The following COL2A1 variants were observed in gnomAD, a reference collection of about 807,000 sequenced individuals.
COL2A1 encodes collagen alpha-1(II) chain.
A neutral mutation model predicts 204.5 loss-of-function variants in COL2A1; 28 were observed. That is an observed-to-expected ratio of 0.14 (90% confidence interval 0.10 to 0.19). COL2A1 has a LOEUF of 0.19. COL2A1 is among the 10% of genes least tolerant of loss of function. COL2A1 has a pLI of 1.00. For missense variants in COL2A1, 1,388 were observed against 2,027.5 expected (o/e 0.68, Z 6.06); for synonymous variants, 708 against 718.7 (o/e 0.99, Z 0.24).
intron 52 of COL2A1, 89 bp from the exon 53 acceptor site, chr12:47,974,420 C>A: frequency 6.5e-7 from 1 of 1,537,686 alleles, no homozygotes; most frequent in South Asian, 1.2e-5. Context: ...GTTCATGGTT[C>A]AAGGACCTCA....
chr12:47,997,660 T>C lies in COL2A1; in HGVS notation c.477A>G (p.Gly159=), dbSNP rs1940025065. ...RGRDGEPGTP[G]NPGPPGPPGP... ...CGGGAGGACCAGGGGGGCCAGGATT[T>C]CCAGGGGTCCCAGGTTCTCCATCTC... The change falls in exon 7 of 54, where the codon GGA becomes GGG. Residue 159 remains glycine, a synonymous_variant. Transcript: ENST00000380518. 1 of 1,613,788 alleles carries C rather than the reference T, an allele frequency of 6.2e-7. No individual in the cohort carries two copies. The highest frequency in any genetic ancestry group is 8.5e-7 in the Non-Finnish European group (1 of 1,179,920).
At position 47,987,611 on chromosome 12, in the gene COL2A1, G is replaced by T; in HGVS notation, c.1221C>A (p.Ser407=). 1 of 1,611,228 alleles carries T rather than the reference G, an allele frequency of 6.2e-7. No individual in the cohort carries two copies. ...TPGSPGPAGA[S]GNPGTDGIPG... is the part of the protein sequence containing the mutation. ...CAGGCCAAAGAGAAGCTGCACTTAC[G>T]GAGGCACCAGCAGGCCCAGGGGACC... is the stretch of plus-strand genomic sequence containing the variant. Residue 407 remains serine, a splice_region_variant and synonymous_variant, in exon 19 of 54, where the codon TCC becomes TCA. Transcript: ENST00000380518. This position sits in a 1 kb window ranked among gnomAD's most constrained non-coding sequence, Gnocchi z 4.1.
chr12:47,982,849 T>G lies in COL2A1; in HGVS notation c.2192A>C (p.Lys731Thr). The part of the protein sequence containing the change: ...LPGTPGTDGP[K>T]GASGPAGPPG... ...CCTACAGGATGCAGCCTCACTTACT[T>G]TGGGACCATCAGTGCCAGGAGTGCC... The change falls in exon 33 of 54, where the codon AAA (lysine) becomes ACA (threonine). Residue 731 changes from lysine to threonine, a missense_variant and splice_region_variant. Physicochemically the swap from Lys to Thr is moderately conservative, Grantham distance 78. Coordinates refer to ENST00000380518, the MANE Select transcript of COL2A1 (RefSeq NM_001844.5). The G allele has an allele frequency of 6.2e-7, 1 of 1,610,640 alleles. No homozygotes were observed. The highest frequency in any genetic ancestry group is 8.5e-7 in the Non-Finnish European group (1 of 1,179,596).
At position 47,984,102 on chromosome 12, in the gene COL2A1, T is replaced by A. The variant is rs147360055; in HGVS notation, c.1926A>T (p.Gly642=). The A allele has an allele frequency of 1.2e-6, 2 of 1,607,382 alleles. No homozygotes were observed. Among genetic ancestry groups the A allele is most frequent in the African/African-American group, 2.8e-5 (2 of 72,448 alleles). Residue 642 remains glycine, a synonymous_variant, in exon 29 of 54, where the codon GGA becomes GGT. Coordinates refer to ENST00000380518, the MANE Select transcript of COL2A1 (RefSeq NM_001844.5). ...PGKDGETGAA[G]PPGPAGPAGE... is the part of the protein sequence containing the mutation. ...AGGTACTTACAGCAGGGCCAGGGGG[T>A]CCTGCAGCACCTGTCTCACCATCTT...
chr12:47,985,723 C>T lies in COL2A1; in HGVS notation c.1680+5G>A. ...GCCAAGGGCAACAGCAGCTCTGCTA[C>T]TTACCCGGGCTCCAGGAAGGCCAGG... On this transcript the variant is annotated splice_donor_5th_base_variant and intron_variant, in intron 25 of 53. Coordinates refer to ENST00000380518, the MANE Select transcript of COL2A1 (RefSeq NM_001844.5). 1 of 1,613,854 alleles carries T rather than the reference C, an allele frequency of 6.2e-7. No individual in the cohort carries two copies. The highest frequency in any genetic ancestry group is 8.5e-7 in the Non-Finnish European group (1 of 1,179,864).
chr12:47,975,704 G>T, intron 50 of COL2A1, 99 bp from the exon 51 acceptor site: 1 of 1,343,744 alleles, frequency 7.4e-7, no homozygotes, highest in Non-Finnish European at 1.0e-6. Flanking sequence ...CCTCTTCCCA[G>T]CCCCATGGGT....
At chr12:47,998,946 T>A (rs1429869317) in intron 2 of COL2A1, 1 of 157,450 alleles carries the variant, frequency 6.4e-6, no homozygotes, top group Admixed American at 6.1e-5. Flanking sequence ...GCCTGTGCCA[T>A]CCCCAGTCAA....
Position 47,986,264 on chromosome 12 carries a change from C to T in COL2A1, c.1527+72G>A, listed in dbSNP as rs143809736. On this transcript the variant is annotated intron_variant, in intron 23 of 53. Transcript: ENST00000380518. ...AAAGTCACGAGACTTGACCAGAACA[C>T]GGACCACAAGGACTCCACTTCCCTC... 974 of 1,037,878 alleles carry T rather than the reference C, an allele frequency of 9.4e-4. 3 individuals carry two copies. The East Asian group carries it at 0.014, about 15-fold the overall frequency. 64.3% of individuals were successfully genotyped at this position (1,037,878 alleles called of 1,614,324 possible). A position where few individuals can be genotyped will look rare whatever the true frequency, so the allele number is the denominator to read the frequency against.
rs372137436 is a variant in COL2A1, at chr12:47,992,942, C to T, written c.970-11G>A. 3 of 1,614,084 alleles carry T rather than the reference C, an allele frequency of 1.9e-6. No homozygotes were observed. Among genetic ancestry groups the T allele is most frequent in the East Asian group, 2.2e-5 (1 of 44,882 alleles). Reference sequence around the variant, plus strand: ...CAGGCCACGAGGACCCTGGAACACACACCAGGACAGCCTAAGCATGAGTTG... The same window carrying T: ...CAGGCCACGAGGACCCTGGAACACATACCAGGACAGCCTAAGCATGAGTTG... On this transcript the variant is annotated splice_polypyrimidine_tract_variant and intron_variant, in intron 15 of 53. Coordinates refer to ENST00000380518, the MANE Select transcript of COL2A1 (RefSeq NM_001844.5).
At chr12:47,984,062 C>CT (rs751550585) in intron 29 of COL2A1, 25 bp downstream of exon 29, 4 of 1,606,836 alleles carry the variant, frequency 2.5e-6, no homozygotes, top group African/African-American at 1.3e-5. Context: ...CCAGGGCCAC[C>CT]TGGGGAGGCT....
In COL2A1 at chr12:47,983,062, G is replaced by A. The variant is rs756444838; in HGVS notation, c.2094+31C>T. On this transcript the variant is annotated intron_variant, in intron 32 of 53. Transcript: ENST00000380518. ...ATAGGACCCAGGGCAGGCCCAAGGAGGCAGCCCGCATTGGCCAACAGGATA... is the reference window on the plus strand; with the variant it reads ...ATAGGACCCAGGGCAGGCCCAAGGAAGCAGCCCGCATTGGCCAACAGGATA... The A allele has an allele frequency of 3.1e-6, 5 of 1,613,464 alleles. No homozygotes were observed. The African/African-American group carries it at 4.0e-5, about 13-fold the overall frequency.
chr12:47,974,646 C>G, intron 52 of COL2A1, 29 bp downstream of exon 52: 2 of 1,611,098 alleles, frequency 1.2e-6, no homozygotes, highest in Middle Eastern at 1.7e-4. Context: ...GCCATCTCTG[C>G]TCATCATCTA....
In COL2A1 at chr12:47,977,759, C is replaced by A. The variant is rs1938804542; in HGVS notation, c.3112-106G>T. The A allele has an allele frequency of 3.3e-5, 43 of 1,288,740 alleles. No homozygotes were observed. The South Asian group carries it at 5.3e-4, about 16-fold the overall frequency. The allele number at this position is 1,288,740 out of a possible 1,614,324, so 79.8% of individuals were successfully genotyped here. A position where few individuals can be genotyped will look rare whatever the true frequency, so the allele number is the denominator to read the frequency against. ...CCCAGGCCTCTCCTCTTCTGCCCAACTCACTCACACTTTGAAGCCAAAGTT... is the reference window on the plus strand; with the variant it reads ...CCCAGGCCTCTCCTCTTCTGCCCAAATCACTCACACTTTGAAGCCAAAGTT... On this transcript the variant is annotated intron_variant, in intron 44 of 53. Transcript: ENST00000380518.
intron 15 of COL2A1, 145 bp from the exon 16 acceptor site, chr12:47,993,076 G>C (rs1330797145): frequency 5.1e-6 from 4 of 781,904 alleles, no homozygotes; most frequent in Non-Finnish European, 9.0e-6. Flanking sequence ...GATGGTGCTG[G>C]CTCCTTGACT....
Position 47,973,774 on chromosome 12 carries a change from C to G in COL2A1, c.4318-221G>C, listed in dbSNP as rs116379863. Among the ~76,000 whole-genome samples, 650 of 152,262 alleles carry G rather than the reference C, an allele frequency of 4.3e-3. 9 individuals carry two copies. The highest frequency in any genetic ancestry group is 0.015 in the African/African-American group (628 of 41,544). On this transcript the variant is annotated intron_variant, in intron 53 of 53. Coordinates refer to ENST00000380518, the MANE Select transcript of COL2A1 (RefSeq NM_001844.5). ...CCCTTCTCCACCCTGCCCTTCCCCTCCTTCCCCACTCCCCACAGTGAGCTC... is the reference window on the plus strand; with the variant it reads ...CCCTTCTCCACCCTGCCCTTCCCCTGCTTCCCCACTCCCCACAGTGAGCTC...
Position 47,976,895 on chromosome 12 carries a change from T to C in COL2A1, c.3352A>G (p.Lys1118Glu), listed in dbSNP as rs1197777581. The C allele has an allele frequency of 1.2e-6, 2 of 1,609,302 alleles. No individual in the cohort carries two copies. The highest frequency in any genetic ancestry group is 1.1e-5 in the South Asian group (1 of 89,976). ...IQGPQGPRGDKGEAGEPGERG... is the reference protein window; with the variant it reads ...IQGPQGPRGDEGEAGEPGERG... ...TCGCCAGGCTCTCCAGCCTCTCCTT[T>C]GTCACCTCTGGGGCCTTGAGGACCC... is the stretch of plus-strand genomic sequence containing the variant. The change falls in exon 48 of 54, where the codon AAA becomes GAA. Residue 1118 changes from lysine (K) to glutamate (E), a missense_variant. Coordinates refer to ENST00000380518, the MANE Select transcript of COL2A1 (RefSeq NM_001844.5). The surrounding 1 kb of genome is among the most constrained non-coding windows in gnomAD (Gnocchi z 4.3).
intron 29 of COL2A1, 114 bp from the exon 30 acceptor site, chr12:47,983,850 C>G: frequency 8.8e-7 from 1 of 1,140,146 alleles, no homozygotes; most frequent in East Asian, 2.6e-5. Context: ...TCTTCCTGCA[C>G]CACTCAGACA....
chr12:47,974,462 C>T, intron 52 of COL2A1, 131 bp from the exon 53 acceptor site: 1 of 1,368,118 alleles, frequency 7.3e-7, no homozygotes, highest in Non-Finnish European at 1.0e-6. Flanking sequence ...GCTAGTTGGA[C>T]ATTTTTGCTT....
At chr12:48,003,246 A>C (rs191195319) in intron 1 of COL2A1, among the ~76,000 whole-genome samples, 10 of 152,270 alleles carry the variant, frequency 6.6e-5, no homozygotes, top group African/African-American at 2.4e-4. Context: ...ATCTCTAACT[A>C]TACCGGTTGA....
Sources: gnomAD v4.1 joint callset for allele counts (sites outside exome capture counted in the v4.1 genomes callset) on GRCh38, gnomAD v4.1.1 for gene constraint, Gnocchi (gnomAD v3.1) non-coding constraint, MANE v1.5 for transcripts, NCBI Gene and HGNC (gene_info 2026-07-23, HGNC 2026-07-21) for gene names.